The following SAMMSON variants were observed in gnomAD, a reference collection of about 807,000 sequenced individuals.
The protein encoded by SAMMSON is long intergenic non-protein coding RNA 1212.
chr3:70,174,138 G>C (rs1252191488), intron 4 of SAMMSON, among the ~76,000 whole-genome samples: 3 of 151,756 alleles, frequency 2.0e-5, no homozygotes, highest in African/African-American at 4.8e-5. Context: ...TTTGTTTTTT[G>C]ACTAGAATTT....
At chr3:70,198,199 G>C (rs1701200199) in intron 4 of SAMMSON, among the ~76,000 whole-genome samples, 1 of 152,056 alleles carries the variant, frequency 6.6e-6, no homozygotes, top group South Asian at 2.1e-4. Flanking sequence ...TAACATTCTA[G>C]CATGAATTAG....
intron 4 of SAMMSON, among the ~76,000 whole-genome samples, chr3:70,203,126 A>G (rs998445172): frequency 2.6e-5 from 4 of 152,110 alleles, no homozygotes; most frequent in Admixed American, 6.6e-5. Flanking sequence ...TCATTCTCCC[A>G]GAAGTGATCC....
intron 4 of SAMMSON, among the ~76,000 whole-genome samples, chr3:70,208,241 G>T (rs933201387): frequency 6.6e-5 from 10 of 152,186 alleles, no homozygotes; most frequent in Middle Eastern, 3.4e-3. Context: ...CATTCCCATT[G>T]TTAACGCAAT....
intron 4 of SAMMSON, among the ~76,000 whole-genome samples, chr3:70,148,584 C>T (rs1191655667): frequency 6.6e-6 from 1 of 152,040 alleles, no homozygotes; most frequent in Non-Finnish European, 1.5e-5. Context: ...CAGGCTGCTT[C>T]CACTCATGGC....
intron 7 of SAMMSON, among the ~76,000 whole-genome samples, chr3:70,318,868 G>A (rs1266315487): frequency 6.6e-6 from 1 of 151,810 alleles, no homozygotes; most frequent in Non-Finnish European, 1.5e-5. Flanking sequence ...TTTTTGCTTA[G>A]TCTTAGGATG....
chr3:70,148,376 G>T (rs1456538238), intron 4 of SAMMSON, among the ~76,000 whole-genome samples: 1 of 152,084 alleles, frequency 6.6e-6, no homozygotes, highest in African/African-American at 2.4e-5. Context: ...AAGGTAATTT[G>T]TTTCTTATTC....
intron 1 of SAMMSON, among the ~76,000 whole-genome samples, chr3:70,001,979 T>C (rs1010259399): frequency 6.6e-6 from 1 of 152,182 alleles, no homozygotes; most frequent in Non-Finnish European, 1.5e-5. Context: ...TTAACTTCTG[T>C]TGCTTGTAAA....
At chr3:70,399,191 A>G (rs1262270689) in intron 2 of SAMMSON, among the ~76,000 whole-genome samples, 1 of 152,156 alleles carries the variant, frequency 6.6e-6, no homozygotes, top group African/African-American at 2.4e-5. Flanking sequence ...CATATTCCAC[A>G]ACATCCTCGT....
chr3:70,280,139 C>T (rs773413367), intron 6 of SAMMSON, among the ~76,000 whole-genome samples: 1 of 152,120 alleles, frequency 6.6e-6, no homozygotes, highest in Non-Finnish European at 1.5e-5. Context: ...GGGCTGCCTG[C>T]ATTTCCTGAC....
chr3:70,382,418 C>G (rs1703077427), intron 9 of SAMMSON, among the ~76,000 whole-genome samples: 1 of 152,018 alleles, frequency 6.6e-6, no homozygotes, highest in South Asian at 2.1e-4. Flanking sequence ...GCAATTTTGC[C>G]TCTTAGGGGA....
At chr3:70,323,261 T>C (rs1464842753) in intron 7 of SAMMSON, among the ~76,000 whole-genome samples, 2 of 152,148 alleles carry the variant, frequency 1.3e-5, no homozygotes, top group Non-Finnish European at 2.9e-5. Context: ...TTTGTCATTA[T>C]GAAAGGTAAA....
chr3:70,080,916 G>A (rs1402781696), intron 4 of SAMMSON, among the ~76,000 whole-genome samples: 2 of 152,004 alleles, frequency 1.3e-5, no homozygotes. Context: ...GACAACCCAG[G>A]GCCTATAGTT....
At chr3:70,058,630 A>C (rs2067176435) in intron 3 of SAMMSON, among the ~76,000 whole-genome samples, 1 of 152,046 alleles carries the variant, frequency 6.6e-6, no homozygotes, top group African/African-American at 2.4e-5. Flanking sequence ...TTCTCATTTA[A>C]CTTGCTGATA....
At chr3:70,131,597 TA>T (rs887300812) in intron 4 of SAMMSON, among the ~76,000 whole-genome samples, 8 of 151,354 alleles carry the variant, frequency 5.3e-5, no homozygotes, top group Admixed American at 1.3e-4. Context: ...AATTTGCAAT[TA>T]AAAAAAAATA....
At chr3:70,262,309 A>C (rs1423393470) in intron 6 of SAMMSON, among the ~76,000 whole-genome samples, 8 of 152,228 alleles carry the variant, frequency 5.3e-5, no homozygotes, top group Non-Finnish European at 1.2e-4. Flanking sequence ...CAAGGAGCCA[A>C]CGCAAAATAG....
chr3:70,293,068 A>G (rs1702254288), intron 7 of SAMMSON, among the ~76,000 whole-genome samples: 1 of 147,358 alleles, frequency 6.8e-6, no homozygotes, highest in Non-Finnish European at 1.5e-5. Flanking sequence ...AAAAAAAAAA[A>G]AAAGTAGCAT....
intron 3 of SAMMSON, among the ~76,000 whole-genome samples, chr3:70,055,463 C>T (rs557802078): frequency 6.6e-6 from 1 of 152,204 alleles, no homozygotes; most frequent in African/African-American, 2.4e-5. Context: ...AGAGCTGTCC[C>T]TTATTTCACA....
chr3:70,047,633 A>G (rs1438844823), intron 3 of SAMMSON, among the ~76,000 whole-genome samples: 2 of 151,956 alleles, frequency 1.3e-5, no homozygotes, highest in Admixed American at 6.6e-5. Flanking sequence ...ATAATTTCTC[A>G]AGTATCTTCA....
intron 3 of SAMMSON, among the ~76,000 whole-genome samples, chr3:70,043,384 T>C (rs1242381911): frequency 6.6e-6 from 1 of 152,106 alleles, no homozygotes; most frequent in East Asian, 1.9e-4. Context: ...CGTTAGTTCA[T>C]TATTTCCAGC....
Sources: gnomAD v4.1 joint callset for allele counts (sites outside exome capture counted in the v4.1 genomes callset) on GRCh38, gnomAD v4.1.1 for gene constraint, MANE v1.5 for transcripts, NCBI Gene and HGNC (gene_info 2026-07-23, HGNC 2026-07-21) for gene names.